FMR1: variants seen among roughly 807,000 people sequenced by gnomAD.
FMR1 encodes FMRP translational regulator 1.
Under a neutral mutation model 50.6 loss-of-function variants are expected in FMR1, and 13 were observed. The ratio of observed to expected loss-of-function variants is 0.26; its 90% CI spans 0.17 to 0.41. The LOEUF (loss-of-function observed/expected upper bound fraction) is 0.41. Ranked by LOEUF, FMR1 falls within the 10% of genes least tolerant of loss-of-function variation. The probability of loss-of-function intolerance (pLI) is 1.00; values close to 1 mark genes in which losing one functional copy is unlikely to be tolerated. For synonymous variants in FMR1, 138 were observed against 164.1 expected (o/e 0.84, Z 1.22); for missense variants, 316 against 491.3 (o/e 0.64, Z 3.37).
intron 9 of FMR1, among the ~76,000 whole-genome samples, chrX:147,934,933 T>G (rs2043738320): frequency 8.9e-6 from 1 of 111,807 alleles, no homozygotes; most frequent in Admixed American, 9.5e-5. Context: ...CTAATTTATC[T>G]TTTCATTAAA....
At position 147,936,499 on chromosome X, in the gene FMR1, C is replaced by A. The variant is rs1557179693; in HGVS notation, c.881-5C>A. On this transcript the variant is annotated splice_polypyrimidine_tract_variant and splice_region_variant and intron_variant, in intron 9 of 16. Transcript: ENST00000370475. ...AAAACCAAACTTGATTTATTTATTT[C>A]TTAGGCAAAGTAATAGGAAAAAATG... The A allele has an allele frequency of 4.3e-6, 5 of 1,152,393 alleles. No individual in the cohort carries two copies. The highest frequency in any genetic ancestry group is 4.8e-6 in the Non-Finnish European group (4 of 842,002). 95.0% of individuals were successfully genotyped at this position (1,152,393 alleles called of 1,213,427 possible).
Position 147,912,099 on chromosome X carries a change from C to CGGAGGCGGCGGCGGCGGCGGA in FMR1, c.-79_-78insAGGCGGCGGCGGCGGCGGAGG, listed in dbSNP as rs1477188619. The CGGAGGCGGCGGCGGCGGCGGA allele has an allele frequency of 1.5e-6, 1 of 645,184 alleles. No homozygotes were observed. Among genetic ancestry groups the CGGAGGCGGCGGCGGCGGCGGA allele is most frequent in the East Asian group, 1.2e-4 (1 of 8,112 alleles). 53.2% of individuals were successfully genotyped at this position (645,184 alleles called of 1,213,427 possible). Reference sequence around the variant, plus strand: ...GCGGCGGAGGCGGCGGCGGCGGCGGCGGCGGCGGCGGCTGGGCCTCGAGCG... The same window carrying CGGAGGCGGCGGCGGCGGCGGA: ...GCGGCGGAGGCGGCGGCGGCGGCGGCGGAGGCGGCGGCGGCGGCGGAGGCGGCGGCGGCTGGGCCTCGAGCG... On this transcript the variant is annotated 5_prime_UTR_variant, in exon 1 of 17. Transcript: ENST00000370475.
At position 147,943,265 on chromosome X, in the gene FMR1, T is replaced by C; in HGVS notation, c.1410T>C (p.Gly470=). The C allele has an allele frequency of 8.3e-7, 1 of 1,210,965 alleles. No homozygotes were observed. Among genetic ancestry groups the C allele is most frequent in the East Asian group, 3.0e-5 (1 of 33,826 alleles). The change falls in exon 14 of 17, where the codon GGT becomes GGC. Residue 470 remains glycine, a synonymous_variant. Transcript: ENST00000370475. ...TGACTGATGATGGTCAAGGAATGGG[T>C]CGAGGTAGTAGACCTTACAGAAATA... ...SYVTDDGQGM[G]RGSRPYRNRG... is the part of the protein sequence containing the mutation.
Position 147,943,333 on chromosome X carries a change from A to G in FMR1, c.1471+7A>G. The G allele has an allele frequency of 8.4e-7, 1 of 1,193,639 alleles. No individual in the cohort carries two copies. Among genetic ancestry groups the G allele is most frequent in the Non-Finnish European group, 1.1e-6 (1 of 878,915 alleles). On this transcript the variant is annotated splice_region_variant and intron_variant, in intron 14 of 16. Transcript: ENST00000370475. ...GGTCCTGGATATACTTCAGGTACAA[A>G]CTAAGCATTTTACTCAGTAACTTTA...
chrX:147,932,444 C>T lies in FMR1; in HGVS notation c.650C>T (p.Ser217Leu). The change falls in exon 8 of 17, where the codon TCG becomes TTG. Residue 217 changes from serine to leucine, a missense_variant. Ser to Leu is a moderately radical substitution (Grantham distance 145). Coordinates refer to ENST00000370475, the MANE Select transcript of FMR1 (RefSeq NM_002024.6). ...CTTCAGAGTTCAAGGCAGCTTGCCTCGAGATTTCATGAACAGTTTATCGTA... is the reference window on the plus strand; with the variant it reads ...CTTCAGAGTTCAAGGCAGCTTGCCTTGAGATTTCATGAACAGTTTATCGTA... ...KQLESSRQLA[S>L]RFHEQFIVRE... 1 of 1,209,623 alleles carries T rather than the reference C, an allele frequency of 8.3e-7. No individual in the cohort carries two copies. The highest frequency in any genetic ancestry group is 1.1e-6 in the Non-Finnish European group (1 of 893,863).
At chrX:147,937,380 TATG>T (rs2043827181) in intron 10 of FMR1, 83 bp from the exon 11 acceptor site, 4 of 605,124 alleles carry the variant, frequency 6.6e-6, no homozygotes, top group Non-Finnish European at 1.1e-5. Flanking sequence ...TTTTTAAAAA[TATG>T]ATGATTGATA....
rs29288 is a variant in FMR1 at position 147,941,689 on chromosome X, G to T, written c.1275+1027G>T. Among the ~76,000 whole-genome samples the T allele has an allele frequency of 5.6e-4, 14 of 24,860 alleles. No individual in the cohort carries two copies. The Admixed American group carries it at 9.4e-3, about 17-fold the overall frequency. 21.6% of individuals were successfully genotyped at this position (24,860 alleles called of 115,157 possible). A position where few individuals can be genotyped will look rare whatever the true frequency, so the allele number is the denominator to read the frequency against. On this transcript the variant is annotated intron_variant, in intron 13 of 16. Transcript: ENST00000370475. ...ACCTCTTTGATTTTTTTTTAAGTAT[G>T]TTTATGTGTAATCTCTCTGTGTGTG...
chrX:147,926,257 C>T (rs992305925), intron 3 of FMR1, among the ~76,000 whole-genome samples: 5 of 111,725 alleles, frequency 4.5e-5, no homozygotes, highest in African/African-American at 1.6e-4. Flanking sequence ...GTATTTAAGG[C>T]GCTTACAGTG....
rs1336766533 is a variant in FMR1, at chrX:147,931,175, TTC to T, written c.630+936_630+937del. Among the ~76,000 whole-genome samples the T allele has an allele frequency of 8.0e-5, 9 of 112,128 alleles. No individual in the cohort carries two copies. In the Admixed American group the frequency reaches 8.5e-4, roughly 11 times the overall value. ...CATGATTTTGTGGTTCCTTCAGTGATTCTCTCATAACTTTTAGCCCAGAGCTG... is the reference window on the plus strand; with the variant it reads ...CATGATTTTGTGGTTCCTTCAGTGATTCTCATAACTTTTAGCCCAGAGCTG... On this transcript the variant is annotated intron_variant, in intron 7 of 16. Transcript: ENST00000370475.
intron 1 of FMR1, chrX:147,912,949 T>C (rs1228502361): frequency 7.1e-6 from 2 of 280,174 alleles, no homozygotes; most frequent in Admixed American, 6.3e-5. Context: ...GTCCCCCTTT[T>C]TGTTAAACGG....
intron 14 of FMR1, chrX:147,943,555 G>T: frequency 2.4e-6 from 1 of 411,267 alleles, no homozygotes. Flanking sequence ...GGGTAAATCT[G>T]CAAAGCCCTT....
chrX:147,946,738 A>G (rs2044182020), intron 16 of FMR1, among the ~76,000 whole-genome samples: 1 of 112,269 alleles, frequency 8.9e-6, no homozygotes, highest in Non-Finnish European at 1.9e-5. Context: ...TTTAATTATT[A>G]AGTAGTTAGG....
At chrX:147,946,998 G>A (rs887191116) in intron 16 of FMR1, 1 of 112,504 alleles carries the variant, frequency 8.9e-6, no homozygotes, top group Non-Finnish European at 1.9e-5. Context: ...CACTTAAACT[G>A]ATATGTTTGA....
chrX:147,944,968 G>A lies in FMR1; in HGVS notation c.1571G>A (p.Ser524Asn), dbSNP rs782158375. Residue 524 changes from serine (S) to asparagine (N), a missense_variant, in exon 15 of 17, where the codon AGC becomes AAC. Ser to Asn is a conservative substitution (Grantham distance 46). Coordinates refer to ENST00000370475, the MANE Select transcript of FMR1 (RefSeq NM_002024.6). ...GCTCCAACAGAGGAAGAGAGGGAGA[G>A]CTTCCTGCGCAGAGGAGACGGACGG... ...SLAPTEEERE[S>N]FLRRGDGRRR... 7 of 1,204,831 alleles carry A rather than the reference G, an allele frequency of 5.8e-6. No homozygotes were observed. The South Asian group carries it at 1.1e-4, about 18-fold the overall frequency.
At chrX:147,919,459 C>A (rs1472207056) in intron 1 of FMR1, among the ~76,000 whole-genome samples, 3 of 112,140 alleles carry the variant, frequency 2.7e-5, no homozygotes, top group African/African-American at 9.7e-5. Context: ...TCTAAAATAT[C>A]ATTGGCAGTA....
At position 147,948,702 on chromosome X, in the gene FMR1, A is replaced by G. The variant is rs868923602; in HGVS notation, c.1757A>G (p.Asn586Ser). The G allele has an allele frequency of 8.3e-7, 1 of 1,211,895 alleles. No homozygotes were observed. Among genetic ancestry groups the G allele is most frequent in the African/African-American group, 1.7e-5 (1 of 57,809 alleles). ...GSLQIRVDCN[N>S]ERSVHTKTLQ... ...TTTTAGATCAGAGTTGACTGCAATA[A>G]TGAAAGGAGTGTCCACACTAAAACA... The change falls in exon 17 of 17, where the codon AAT becomes AGT. Residue 586 changes from asparagine (N) to serine (S), a missense_variant. This residue lies in a region of FMR1 where 124 missense variants were observed against 160.8 expected (regional missense o/e 0.77). Transcript: ENST00000370475.
intron 14 of FMR1, 123 bp downstream of exon 14, chrX:147,943,449 G>A: frequency 1.6e-6 from 1 of 625,667 alleles, no homozygotes; most frequent in Admixed American, 2.7e-5. Context: ...ATTCACAGTG[G>A]GTTAAATTGT....
chrX:147,926,410 A>G (rs1557177577), intron 3 of FMR1, among the ~76,000 whole-genome samples: 2 of 111,851 alleles, frequency 1.8e-5, no homozygotes, highest in Non-Finnish European at 3.8e-5. Flanking sequence ...GAATATTTGT[A>G]GTATGAAGGA....
chrX:147,938,158 G>A lies in FMR1; in HGVS notation c.1185G>A (p.Trp395Ter). 1 of 1,191,696 alleles carries A rather than the reference G, an allele frequency of 8.4e-7. No individual in the cohort carries two copies. The highest frequency in any genetic ancestry group is 1.1e-6 in the Non-Finnish European group (1 of 877,237). ...GESQKPELKA[W>*]QGMVPFVFVG... Reference sequence around the variant, plus strand: ...CCCAGAAACCTGAACTCAAGGCTTGGCAGGTAGGAAAACATTCCTTGAGAA... The same window carrying A: ...CCCAGAAACCTGAACTCAAGGCTTGACAGGTAGGAAAACATTCCTTGAGAA... The change falls in exon 12 of 17, where the codon TGG becomes TGA. Residue 395 changes from tryptophan to a stop codon, truncating the protein, a stop_gained. Coordinates refer to ENST00000370475, the MANE Select transcript of FMR1 (RefSeq NM_002024.6). LOFTEE classifies it high-confidence loss of function.
Sources: gnomAD v4.1 joint callset for allele counts (sites outside exome capture counted in the v4.1 genomes callset) on GRCh38, gnomAD v4.1.1 for gene constraint, gnomAD v4.1.1 regional missense constraint, MANE v1.5 for transcripts, NCBI Gene and HGNC (gene_info 2026-07-23, HGNC 2026-07-21) for gene names.